The following PRKG1 variants were observed in gnomAD, a reference collection of about 807,000 sequenced individuals.
PRKG1 encodes the protein protein kinase cGMP-dependent 1.
In PRKG1, 35 loss-of-function variants were observed where a neutral mutation model predicts 88.1. The observed-to-expected ratio is 0.40, with a 90% confidence interval of 0.30 to 0.53. The LOEUF (loss-of-function observed/expected upper bound fraction) is 0.53. Among genes scored for constraint, PRKG1 ranks in the 20% least tolerant of loss-of-function variants. The probability of loss-of-function intolerance (pLI) is 0.59; values close to 1 mark genes in which losing one functional copy is unlikely to be tolerated. For synonymous variants in PRKG1, 303 were observed against 292.5 expected, an observed-to-expected ratio of 1.04 and a Z score of -0.37; for missense variants, 540 against 839.8, an observed-to-expected ratio of 0.64 and a Z score of 4.41.
intron 4 of PRKG1, among the ~76,000 whole-genome samples, chr10:51,817,831 A>G (rs2132721079): frequency 6.6e-6 from 1 of 152,286 alleles, no homozygotes; most frequent in South Asian, 2.1e-4. Flanking sequence ...CATTAACTTC[A>G]TTTTTTCCTT....
At chr10:51,534,156 A>C (rs1344768223) in intron 3 of PRKG1, among the ~76,000 whole-genome samples, 1 of 152,240 alleles carries the variant, frequency 6.6e-6, no homozygotes, top group Non-Finnish European at 1.5e-5. Flanking sequence ...TGAGAAGGGG[A>C]TTATTAAAAG....
At chr10:51,238,722 C>T (rs886197708) in intron 2 of PRKG1, among the ~76,000 whole-genome samples, 1 of 151,074 alleles carries the variant, frequency 6.6e-6, no homozygotes, top group Non-Finnish European at 1.5e-5. Context: ...GATGGTTCCA[C>T]TGCACTCCAG....
At chr10:51,230,488 T>A (rs1284782738) in intron 2 of PRKG1, among the ~76,000 whole-genome samples, 1 of 152,198 alleles carries the variant, frequency 6.6e-6, no homozygotes, top group Non-Finnish European at 1.5e-5. Flanking sequence ...AATATTACCC[T>A]CTTATGTGGT....
intron 3 of PRKG1, among the ~76,000 whole-genome samples, chr10:51,603,482 A>G (rs1215304201): frequency 1.3e-5 from 2 of 152,180 alleles, no homozygotes; most frequent in Non-Finnish European, 2.9e-5. Context: ...CCTTTCCTGG[A>G]GTTCAATTCC....
intron 9 of PRKG1, among the ~76,000 whole-genome samples, chr10:52,198,449 C>G (rs182528763): frequency 6.6e-6 from 1 of 151,942 alleles, no homozygotes; most frequent in South Asian, 2.1e-4. Context: ...TTTGTAATGG[C>G]CGAGAATGAC....
At chr10:51,095,403 T>C (rs1035601674) in intron 1 of PRKG1, among the ~76,000 whole-genome samples, 4 of 152,112 alleles carry the variant, frequency 2.6e-5, no homozygotes, top group Non-Finnish European at 5.9e-5. Context: ...TAATGCACAC[T>C]TAACTCAGGT....
At chr10:52,002,152 C>A (rs570832581) in intron 5 of PRKG1, among the ~76,000 whole-genome samples, 62 of 152,186 alleles carry the variant, frequency 4.1e-4, no homozygotes, top group African/African-American at 1.2e-3. Context: ...GGATTATAAT[C>A]CTATTATCCA....
chr10:51,889,139 CA>C (rs1462879308), intron 4 of PRKG1, among the ~76,000 whole-genome samples: 3 of 150,880 alleles, frequency 2.0e-5, no homozygotes, highest in Non-Finnish European at 4.4e-5. Flanking sequence ...ATACATGCAC[CA>C]TGTTGCTGTG....
chr10:52,246,194 C>T (rs1316437631), intron 9 of PRKG1, among the ~76,000 whole-genome samples: 3 of 152,088 alleles, frequency 2.0e-5, no homozygotes, highest in African/African-American at 4.8e-5. Context: ...AAGGGTATTA[C>T]ATCAAGAATG....
At chr10:51,443,848 G>C (rs1040055433) in intron 2 of PRKG1, among the ~76,000 whole-genome samples, 2 of 151,964 alleles carry the variant, frequency 1.3e-5, no homozygotes, top group African/African-American at 4.8e-5. Context: ...GCCTGGAGAA[G>C]AACACTTGAT....
intron 1 of PRKG1, among the ~76,000 whole-genome samples, chr10:51,047,133 T>C (rs1843499735): frequency 6.6e-6 from 1 of 152,178 alleles, no homozygotes; most frequent in African/African-American, 2.4e-5. Context: ...TGGTCACTTA[T>C]TGGTCTTTTA....
chr10:52,000,181 A>G (rs909951288), intron 5 of PRKG1, among the ~76,000 whole-genome samples: 12 of 152,066 alleles, frequency 7.9e-5, no homozygotes, highest in African/African-American at 2.9e-4. Flanking sequence ...GATGATACAT[A>G]TTTGACTTCT....
At chr10:51,583,287 G>A (rs1209637137) in intron 3 of PRKG1, among the ~76,000 whole-genome samples, 1 of 152,068 alleles carries the variant, frequency 6.6e-6, no homozygotes, top group Non-Finnish European at 1.5e-5. Context: ...TATGAATTTA[G>A]GCAATTTCTT....
intron 10 of PRKG1, among the ~76,000 whole-genome samples, chr10:52,259,071 C>A (rs574683121): frequency 6.7e-6 from 1 of 149,768 alleles, no homozygotes; most frequent in Non-Finnish European, 1.5e-5. Flanking sequence ...TATTAGATAG[C>A]TGATCAGTAG....
In PRKG1 at chr10:51,509,048, T is replaced by C. The variant is rs184482292; in HGVS notation, c.592+41212T>C. Among the ~76,000 whole-genome samples, 173 of 152,276 alleles carry C rather than the reference T, an allele frequency of 1.1e-3. 1 individual carries two copies. Among genetic ancestry groups the C allele is most frequent in the African/African-American group, 3.8e-3 (157 of 41,574 alleles). On this transcript the variant is annotated intron_variant, in intron 3 of 17. Transcript: ENST00000373980. ...TACATGACAACTGCTATTATTTCAG[T>C]GTCAGCCAAATATAAAAGAACATTA...
At chr10:51,229,361 A>G (rs1316017458) in intron 2 of PRKG1, among the ~76,000 whole-genome samples, 1 of 152,186 alleles carries the variant, frequency 6.6e-6, no homozygotes, top group Non-Finnish European at 1.5e-5. Context: ...TTTGTCTCAC[A>G]CTGAATAAAT....
intron 4 of PRKG1, among the ~76,000 whole-genome samples, chr10:51,821,045 G>A (rs1839731567): frequency 6.6e-6 from 1 of 152,056 alleles, no homozygotes; most frequent in Non-Finnish European, 1.5e-5. Flanking sequence ...ACTATTCTGA[G>A]TTCTACCATT....
intron 3 of PRKG1, among the ~76,000 whole-genome samples, chr10:51,576,593 A>G (rs1257511060): frequency 6.6e-6 from 1 of 151,974 alleles, no homozygotes; most frequent in African/African-American, 2.4e-5. Context: ...ATAGTGGGAC[A>G]AAGGACATAC....
chr10:52,072,754 G>C (rs1846533247), intron 7 of PRKG1, among the ~76,000 whole-genome samples: 1 of 151,978 alleles, frequency 6.6e-6, no homozygotes, highest in Non-Finnish European at 1.5e-5. Context: ...CTCTCAATCT[G>C]CTTCTCACCA....
Sources: gnomAD v4.1 joint callset for allele counts (sites outside exome capture counted in the v4.1 genomes callset) on GRCh38, gnomAD v4.1.1 for gene constraint, MANE v1.5 for transcripts, NCBI Gene and HGNC (gene_info 2026-07-23, HGNC 2026-07-21) for gene names.